Variants in ELOVL7 observed in about 807,000 individuals in gnomAD.
ELOVL7 encodes ELOVL fatty acid elongase 7.
A neutral mutation model predicts 35.7 loss-of-function variants in ELOVL7; 27 were observed. The observed-to-expected ratio is 0.76, with a 90% CI of 0.56 to 1.04. ELOVL7 has a LOEUF of 1.04. Ranked by LOEUF, ELOVL7 falls within the 50% of genes least tolerant of loss-of-function variation. The pLI is 0.00. For synonymous variants in ELOVL7, 113 were observed against 114.6 expected (o/e 0.99, Z 0.09); for missense variants, 327 against 340.8 (o/e 0.96, Z 0.32).
intron 2 of ELOVL7, among the ~76,000 whole-genome samples, chr5:60,794,143 T>G (rs571376796): frequency 6.6e-6 from 1 of 152,340 alleles, no homozygotes; most frequent in South Asian, 2.1e-4. Flanking sequence ...CGTCTGCAAC[T>G]GCCCCATGAA....
intron 1 of ELOVL7, among the ~76,000 whole-genome samples, chr5:60,841,842 T>G (rs1747192105): frequency 6.6e-6 from 1 of 152,232 alleles, no homozygotes; most frequent in South Asian, 2.1e-4. Flanking sequence ...ATGTAATGTT[T>G]CATCAGAACA....
intron 3 of ELOVL7, among the ~76,000 whole-genome samples, chr5:60,779,873 A>G (rs1743130234): frequency 6.6e-6 from 1 of 152,164 alleles, no homozygotes; most frequent in Non-Finnish European, 1.5e-5. Flanking sequence ...TTTGCCACTT[A>G]GAAATTTCTT....
At chr5:60,790,983 G>C (rs146503418) in intron 2 of ELOVL7, among the ~76,000 whole-genome samples, 1 of 151,780 alleles carries the variant, frequency 6.6e-6, no homozygotes, top group Admixed American at 6.6e-5. Context: ...TTTTTGGTTT[G>C]GTTTTGTTTT....
intron 2 of ELOVL7, among the ~76,000 whole-genome samples, chr5:60,792,672 A>G (rs1246106577): frequency 6.6e-6 from 1 of 152,086 alleles, no homozygotes; most frequent in African/African-American, 2.4e-5. Flanking sequence ...ACACAGCAAG[A>G]CCCCATCTCT....
At chr5:60,817,710 ATATACACATATG>A (rs1745604728) in intron 1 of ELOVL7, among the ~76,000 whole-genome samples, 1 of 147,548 alleles carries the variant, frequency 6.8e-6, no homozygotes, top group Non-Finnish European at 1.5e-5. Context: ...CACACCATAT[ATATACACATATG>A]TATATACCAT....
chr5:60,843,029 G>C (rs1214799144), intron 1 of ELOVL7, among the ~76,000 whole-genome samples: 1 of 152,076 alleles, frequency 6.6e-6, no homozygotes, highest in Non-Finnish European at 1.5e-5. Flanking sequence ...GAACGCAGAG[G>C]CAGCCACCAG....
At chr5:60,838,128 T>C (rs1028616832) in intron 1 of ELOVL7, among the ~76,000 whole-genome samples, 1 of 152,184 alleles carries the variant, frequency 6.6e-6, no homozygotes, top group Non-Finnish European at 1.5e-5. Context: ...GACATTATGA[T>C]AAAATCCAAA....
At chr5:60,771,878 CA>C in intron 4 of ELOVL7, 24 bp downstream of exon 4, 1 of 1,503,756 alleles carries the variant, frequency 6.7e-7, no homozygotes, top group Non-Finnish European at 9.0e-7. Flanking sequence ...AAAATTCTCC[CA>C]TTAGGAATAC....
chr5:60,793,371 A>G (rs1301098397), intron 2 of ELOVL7, among the ~76,000 whole-genome samples: 1 of 152,174 alleles, frequency 6.6e-6, no homozygotes, highest in Non-Finnish European at 1.5e-5. Flanking sequence ...ACTGAACTGC[A>G]GCATCTTCAA....
intron 7 of ELOVL7, among the ~76,000 whole-genome samples, chr5:60,758,789 G>A (rs559990971): frequency 6.6e-6 from 1 of 152,202 alleles, no homozygotes; most frequent in Non-Finnish European, 1.5e-5. Flanking sequence ...GGAAGAATAT[G>A]TGTTCTTTAT....
At position 60,756,306 on chromosome 5, in the gene ELOVL7, T is replaced by C. The variant is rs569408962; in HGVS notation, c.636+1203A>G. ...ACAAAAAATGTAAAAGGTGTACACATATGCCTGAGAGAAAAACTGGATGAA... is the reference window on the plus strand; with the variant it reads ...ACAAAAAATGTAAAAGGTGTACACACATGCCTGAGAGAAAAACTGGATGAA... On this transcript the variant is annotated intron_variant, in intron 8 of 8. Coordinates refer to ENST00000508821, the MANE Select transcript of ELOVL7 (RefSeq NM_024930.3). Among the ~76,000 whole-genome samples, 6 of 152,284 alleles carry C rather than the reference T, an allele frequency of 3.9e-5. No individual in the cohort carries two copies. The East Asian group carries it at 1.2e-3, about 29-fold the overall frequency.
intron 1 of ELOVL7, among the ~76,000 whole-genome samples, chr5:60,810,373 A>T (rs1745173860): frequency 6.6e-6 from 1 of 152,220 alleles, no homozygotes; most frequent in South Asian, 2.1e-4. Context: ...GAGATGATGA[A>T]TTCATTCATT....
intron 1 of ELOVL7, among the ~76,000 whole-genome samples, chr5:60,818,152 T>C (rs996705922): frequency 6.6e-6 from 1 of 151,362 alleles, no homozygotes; most frequent in African/African-American, 2.4e-5. Flanking sequence ...ACCCTGTCTG[T>C]ACTAAAAATA....
rs555657652 is a variant in ELOVL7, at chr5:60,813,184, T to C, written c.-85-13954A>G. Among the ~76,000 whole-genome samples, 198 of 152,286 alleles carry C rather than the reference T, an allele frequency of 1.3e-3. 1 individual carries two copies. The highest frequency in any genetic ancestry group is 4.5e-3 in the African/African-American group (188 of 41,552). On this transcript the variant is annotated intron_variant, in intron 1 of 8. Transcript: ENST00000508821. ...CTTCACAGGCGTTAATGGCTTGACTTTTCTTTTACTCCAAGCCATTAGAAT... is the reference window on the plus strand; with the variant it reads ...CTTCACAGGCGTTAATGGCTTGACTCTTCTTTTACTCCAAGCCATTAGAAT...
In ELOVL7 at chr5:60,844,241, A is replaced by G. The variant is rs1421544237; in HGVS notation, c.-167T>C. 1 of 151,978 alleles carries G rather than the reference A, an allele frequency of 6.6e-6. No homozygotes were observed. The highest frequency in any genetic ancestry group is 6.6e-5 in the Admixed American group (1 of 15,264). The allele number at this position is 151,978 out of a possible 1,614,324, so 9.4% of individuals were successfully genotyped here. ...GCAGCGCGAGCGCGGAGCTCCTCACAGCGGCCCCCGCTGTCCCGGCCGCCG... is the reference window on the plus strand; with the variant it reads ...GCAGCGCGAGCGCGGAGCTCCTCACGGCGGCCCCCGCTGTCCCGGCCGCCG... On this transcript the variant is annotated 5_prime_UTR_variant, in exon 1 of 9. Coordinates refer to ENST00000508821, the MANE Select transcript of ELOVL7 (RefSeq NM_024930.3).
intron 2 of ELOVL7, among the ~76,000 whole-genome samples, chr5:60,788,635 C>T (rs1044569121): frequency 4.2e-5 from 6 of 143,080 alleles, no homozygotes; most frequent in Admixed American, 7.0e-5. Flanking sequence ...ACCAGCTAGG[C>T]GTGGTGACGG....
At chr5:60,831,173 T>C (rs550812145) in intron 1 of ELOVL7, among the ~76,000 whole-genome samples, 193 of 152,338 alleles carry the variant, frequency 1.3e-3, no homozygotes, top group African/African-American at 4.4e-3. Context: ...GGAGATTACC[T>C]TCTTTCTAGT....
At chr5:60,811,044 ACTGTATT>A (rs1745212157) in intron 1 of ELOVL7, among the ~76,000 whole-genome samples, 1 of 152,106 alleles carries the variant, frequency 6.6e-6, no homozygotes, top group Non-Finnish European at 1.5e-5. Context: ...CTGTTGTCTA[ACTGTATT>A]CTATTTGTGC....
At chr5:60,793,066 A>T (rs1469252488) in intron 2 of ELOVL7, among the ~76,000 whole-genome samples, 1 of 152,178 alleles carries the variant, frequency 6.6e-6, no homozygotes, top group Non-Finnish European at 1.5e-5. Flanking sequence ...TTGAGCTATT[A>T]TGAGAAGACT....
Sources: allele counts gnomAD v4.1 joint callset (sites outside exome capture counted in the v4.1 genomes callset), GRCh38; gene constraint gnomAD v4.1.1; transcripts MANE v1.5; gene names NCBI Gene and HGNC (gene_info 2026-07-23, HGNC 2026-07-21).